SCUBE1: variants seen among roughly 807,000 people sequenced by gnomAD.
SCUBE1 encodes the protein signal peptide, CUB and EGF-like domain-containing protein 1.
SCUBE1 carries 59 observed loss-of-function variants against 124.4 expected under a neutral mutation model. The ratio of observed to expected loss-of-function variants is 0.47; its 90% CI spans 0.38 to 0.59. The LOEUF is 0.59. Among genes scored for constraint, SCUBE1 ranks in the 20% least tolerant of loss-of-function variants. The pLI is 0.00. For missense variants in SCUBE1, 1,150 were observed against 1,371.2 expected, an observed-to-expected ratio of 0.84 and a Z score of 2.55; for synonymous variants, 545 against 550.9, an observed-to-expected ratio of 0.99 and a Z score of 0.15.
chr22:43,220,610 T>C, intron 13 of SCUBE1, 23 bp from the exon 14 acceptor site: 1 of 1,609,630 alleles, frequency 6.2e-7, no homozygotes, highest in Non-Finnish European at 8.5e-7. Context: ...AGGACCACTG[T>C]GGCAAAGGCG....
chr22:43,242,665 C>A (rs916453016), intron 6 of SCUBE1, among the ~76,000 whole-genome samples: 2 of 152,336 alleles, frequency 1.3e-5, no homozygotes, highest in East Asian at 1.9e-4. Flanking sequence ...GAGGAGGACG[C>A]AGAGCAGCCT....
In SCUBE1 at chr22:43,264,605, T is replaced by C. The variant is rs562234641; in HGVS notation, c.485-1760A>G. Among the ~76,000 whole-genome samples, 665 of 152,318 alleles carry C rather than the reference T, an allele frequency of 4.4e-3. 3 individuals are homozygous for C. The highest frequency in any genetic ancestry group is 0.015 in the African/African-American group (610 of 41,586). On this transcript the variant is annotated intron_variant, in intron 4 of 21. Coordinates refer to ENST00000360835, the MANE Select transcript of SCUBE1 (RefSeq NM_173050.5). ...GGTGGTGGCCAGCAAGCCATCTCCCTGACCGTTACTGACAGCTGTTGTCGG... is the reference window on the plus strand; with the variant it reads ...GGTGGTGGCCAGCAAGCCATCTCCCCGACCGTTACTGACAGCTGTTGTCGG...
intron 15 of SCUBE1, among the ~76,000 whole-genome samples, chr22:43,216,524 G>C (rs532216186): frequency 6.6e-6 from 1 of 151,760 alleles, no homozygotes; most frequent in Non-Finnish European, 1.5e-5. Context: ...ACGGTGGCGC[G>C]CACCTGTAGT....
chr22:43,303,972 G>A (rs2269669), intron 3 of SCUBE1, among the ~76,000 whole-genome samples: 7,841 of 152,298 alleles, frequency 0.051, 424 homozygotes, highest in East Asian at 0.28. Context: ...TCGCTGCTTT[G>A]TGCAGTCCAC....
chr22:43,318,811 C>T (rs1926440778), intron 3 of SCUBE1, among the ~76,000 whole-genome samples: 1 of 152,152 alleles, frequency 6.6e-6, no homozygotes, highest in African/African-American at 2.4e-5. Flanking sequence ...CTCACTGCAA[C>T]CTCCGTCTCC....
chr22:43,266,123 G>T (rs1183402460), intron 4 of SCUBE1, among the ~76,000 whole-genome samples: 1 of 152,084 alleles, frequency 6.6e-6, no homozygotes, highest in East Asian at 1.9e-4. Context: ...AATATTACAT[G>T]TTAGCACAAG....
intron 6 of SCUBE1, among the ~76,000 whole-genome samples, chr22:43,239,976 G>A (rs1010336766): frequency 6.6e-6 from 1 of 152,146 alleles, no homozygotes; most frequent in Admixed American, 6.5e-5. Flanking sequence ...CAGGCTGGGG[G>A]GAGTCAATGA....
intron 5 of SCUBE1, among the ~76,000 whole-genome samples, chr22:43,259,912 G>A (rs1210256101): frequency 1.3e-5 from 2 of 152,192 alleles, no homozygotes; most frequent in Non-Finnish European, 2.9e-5. Context: ...TCTTCTCCAG[G>A]GTGGAGCCGG....
At chr22:43,259,329 T>A (rs1923786582) in intron 5 of SCUBE1, among the ~76,000 whole-genome samples, 2 of 152,142 alleles carry the variant, frequency 1.3e-5, no homozygotes. Flanking sequence ...ACTTTAACCA[T>A]CTGTCCAGAA....
At chr22:43,219,738 C>G (rs894111185) in intron 14 of SCUBE1, among the ~76,000 whole-genome samples, 1 of 152,186 alleles carries the variant, frequency 6.6e-6, no homozygotes, top group Non-Finnish European at 1.5e-5. Flanking sequence ...CCCTCCCAGA[C>G]TGCTGGGATT....
intron 4 of SCUBE1, among the ~76,000 whole-genome samples, chr22:43,263,184 G>A (rs1248218778): frequency 1.3e-5 from 2 of 152,118 alleles, no homozygotes. Context: ...CTACTTTTGT[G>A]TCAGGGTGAT....
At chr22:43,208,039 T>C (rs374710831) in intron 20 of SCUBE1, 33 bp downstream of exon 20, 1 of 1,612,976 alleles carries the variant, frequency 6.2e-7, no homozygotes, top group African/African-American at 1.3e-5. Flanking sequence ...GCCTGAGCCG[T>C]GCACAGTGGG....
At chr22:43,285,484 C>T (rs1331065401) in intron 4 of SCUBE1, among the ~76,000 whole-genome samples, 2 of 152,168 alleles carry the variant, frequency 1.3e-5, no homozygotes, top group Non-Finnish European at 2.9e-5. Context: ...ACACGAGCAC[C>T]ATGAGGCAGA....
At chr22:43,322,075 C>T (rs1293448858) in intron 2 of SCUBE1, among the ~76,000 whole-genome samples, 1 of 152,166 alleles carries the variant, frequency 6.6e-6, no homozygotes, top group African/African-American at 2.4e-5. Flanking sequence ...ACCTCCACCT[C>T]CTGGGTTCAA....
intron 6 of SCUBE1, among the ~76,000 whole-genome samples, chr22:43,248,190 C>A (rs1297862048): frequency 6.6e-6 from 1 of 152,084 alleles, no homozygotes; most frequent in Non-Finnish European, 1.5e-5. Flanking sequence ...GAGTTGAGGA[C>A]CAAAAGGAGC....
rs1308757567 is a variant in SCUBE1 at position 43,255,625 on chromosome 22, C to T, written c.727+2594G>A. On this transcript the variant is annotated intron_variant, in intron 6 of 21. Coordinates refer to ENST00000360835, the MANE Select transcript of SCUBE1 (RefSeq NM_173050.5). The surrounding 1 kb of genome is among the most constrained non-coding windows in gnomAD (Gnocchi z 4.7). ...ACACGGAGCCAGTGGTTAATGACAG[C>T]CCACTTCCCGCGGCCCAAGACAGTC... is the stretch of plus-strand genomic sequence containing the variant. 4 of 1,477,184 alleles carry T rather than the reference C, an allele frequency of 2.7e-6. No individual in the cohort carries two copies. The highest frequency in any genetic ancestry group is 2.8e-6 in the Non-Finnish European group (3 of 1,081,610). 91.5% of individuals were successfully genotyped at this position (1,477,184 alleles called of 1,614,324 possible). A position where few individuals can be genotyped will look rare whatever the true frequency, so the allele number is the denominator to read the frequency against.
intron 2 of SCUBE1, among the ~76,000 whole-genome samples, chr22:43,327,679 C>T (rs926421924): frequency 6.6e-6 from 1 of 151,890 alleles, no homozygotes; most frequent in Non-Finnish European, 1.5e-5. Context: ...CCCAGCTACT[C>T]GGGAGGCTGA....
Position 43,255,691 on chromosome 22 carries a change from C to T in SCUBE1, c.727+2528G>A, listed in dbSNP as rs997916928. On this transcript the variant is annotated intron_variant, in intron 6 of 21. Transcript: ENST00000360835. The surrounding 1 kb of genome is among the most constrained non-coding windows in gnomAD (Gnocchi z 4.7). ...CGCACGCAAAGCCAACACAACACGC[C>T]GGCCAGCTCGGCATCCTCGCCAAGG... The T allele has an allele frequency of 1.9e-5, 16 of 853,300 alleles. No individual in the cohort carries two copies. Among genetic ancestry groups the T allele is most frequent in the East Asian group, 1.1e-4 (4 of 37,570 alleles). The allele number at this position is 853,300 out of a possible 1,614,324, so 52.9% of individuals were successfully genotyped here.
intron 6 of SCUBE1, among the ~76,000 whole-genome samples, chr22:43,252,911 A>G (rs1411026156): frequency 7.1e-6 from 1 of 141,262 alleles, no homozygotes; most frequent in African/African-American, 2.7e-5. Context: ...CCTTGCCTCT[A>G]TTAATACAAC....
Sources: allele counts gnomAD v4.1 joint callset (sites outside exome capture counted in the v4.1 genomes callset), GRCh38; gene constraint gnomAD v4.1.1; non-coding constraint Gnocchi (gnomAD v3.1); transcripts MANE v1.5; gene names NCBI Gene and HGNC (gene_info 2026-07-23, HGNC 2026-07-21).